The following PARN variants were observed in gnomAD, a reference collection of about 807,000 sequenced individuals.
PARN encodes poly(A)-specific ribonuclease.
Under a neutral mutation model 102.8 loss-of-function variants are expected in PARN, and 71 were observed. That is an observed-to-expected ratio of 0.69 (90% CI 0.57 to 0.84). The LOEUF is 0.84. Ranked by LOEUF, PARN falls within the 40% of genes least tolerant of loss-of-function variation. The pLI, the probability that PARN is intolerant of heterozygous loss-of-function variation, is 0.00. For missense variants in PARN, 782 were observed against 760.9 expected (o/e 1.03, Z -0.33); for synonymous variants, 261 against 252.9 (o/e 1.03, Z -0.30).
At chr16:14,559,171 A>C (rs1967892543) in intron 18 of PARN, among the ~76,000 whole-genome samples, 1 of 151,980 alleles carries the variant, frequency 6.6e-6, no homozygotes, top group African/African-American at 2.4e-5. Context: ...AGGAAGGATT[A>C]TACTAACAAA....
chr16:14,451,888 A>C (rs1961475624), intron 22 of PARN, among the ~76,000 whole-genome samples: 1 of 138,886 alleles, frequency 7.2e-6, no homozygotes, highest in African/African-American at 2.6e-5. Flanking sequence ...AAAAAAAAAA[A>C]AAAATACAAA....
At chr16:14,580,587 C>A (rs542696766) in intron 18 of PARN, among the ~76,000 whole-genome samples, 1 of 151,938 alleles carries the variant, frequency 6.6e-6, no homozygotes, top group Non-Finnish European at 1.5e-5. Flanking sequence ...ACACCCGGCC[C>A]CTCATAGGAA....
intron 22 of PARN, among the ~76,000 whole-genome samples, chr16:14,460,932 T>C (rs1961929247): frequency 1.3e-5 from 2 of 152,192 alleles, no homozygotes; most frequent in South Asian, 2.1e-4. Context: ...AGTAACTTCA[T>C]GTGGAGAGAT....
intron 5 of PARN, among the ~76,000 whole-genome samples, chr16:14,619,443 A>C (rs2151811697): frequency 6.6e-6 from 1 of 151,824 alleles, no homozygotes; most frequent in East Asian, 1.9e-4. Context: ...TTCAATTAAA[A>C]ATAATAATAA....
At chr16:14,477,211 A>T (rs1386189847) in intron 22 of PARN, among the ~76,000 whole-genome samples, 2 of 151,268 alleles carry the variant, frequency 1.3e-5, no homozygotes, top group African/African-American at 4.9e-5. Context: ...AGGTCAAGGC[A>T]GGTGGATCAT....
chr16:14,507,168 A>G (rs1453631605), intron 21 of PARN, among the ~76,000 whole-genome samples: 1 of 151,886 alleles, frequency 6.6e-6, no homozygotes, highest in African/African-American at 2.4e-5. Context: ...CTCTACTAAA[A>G]ATACAAAATT....
intron 13 of PARN, 84 bp from the exon 14 acceptor site, chr16:14,586,445 G>C: frequency 1.3e-6 from 1 of 789,044 alleles, no homozygotes; most frequent in Non-Finnish European, 2.1e-6. Flanking sequence ...AAGTTCCATA[G>C]CTGTCTTCTC....
rs1446194399 is a variant in PARN, at chr16:14,606,545, T to C, written c.660-19A>G. 2 of 1,452,334 alleles carry C rather than the reference T, an allele frequency of 1.4e-6. No individual in the cohort carries two copies. The highest frequency in any genetic ancestry group is 1.4e-5 in the African/African-American group (1 of 71,556). 90.0% of individuals were successfully genotyped at this position (1,452,334 alleles called of 1,614,324 possible). ...CGGATACCTAAAGAAAAGAAAAACA[T>C]AGTATCAGTAGATGAGTCAATGACA... is the stretch of plus-strand genomic sequence containing the variant. On this transcript the variant is annotated intron_variant, in intron 9 of 23. Transcript: ENST00000437198.
intron 18 of PARN, among the ~76,000 whole-genome samples, chr16:14,570,129 A>T (rs1383535832): frequency 6.6e-6 from 1 of 151,940 alleles, no homozygotes. Flanking sequence ...TCACGAGGTC[A>T]GGAGTTCAAG....
At chr16:14,532,905 G>T (rs1390878102) in intron 21 of PARN, among the ~76,000 whole-genome samples, 1 of 151,924 alleles carries the variant, frequency 6.6e-6, no homozygotes. Context: ...CGGGAGAGGG[G>T]CTCCTCACTT....
intron 18 of PARN, among the ~76,000 whole-genome samples, chr16:14,568,922 T>TA (rs1402228067): frequency 8.0e-5 from 12 of 150,880 alleles, no homozygotes; most frequent in Admixed American, 6.6e-4. Context: ...TTAAATTTTT[T>TA]AAAAAAAGTG....
intron 22 of PARN, among the ~76,000 whole-genome samples, chr16:14,472,590 T>C (rs1448814148): frequency 6.6e-6 from 1 of 152,218 alleles, no homozygotes; most frequent in Non-Finnish European, 1.5e-5. Flanking sequence ...GGAAAAGCTC[T>C]CGATTTGCTG....
At chr16:14,485,211 T>C (rs1963603468) in intron 21 of PARN, among the ~76,000 whole-genome samples, 1 of 152,240 alleles carries the variant, frequency 6.6e-6, no homozygotes, top group Admixed American at 6.5e-5. Context: ...TGAGTAAAGT[T>C]ACTCATATCA....
At chr16:14,613,727 A>G (rs984716096) in intron 6 of PARN, among the ~76,000 whole-genome samples, 1 of 152,242 alleles carries the variant, frequency 6.6e-6, no homozygotes, top group South Asian at 2.1e-4. Flanking sequence ...AGCAAGAACT[A>G]TCAATAGATG....
rs150415003 is a variant in PARN at position 14,562,171 on chromosome 16, T to C, written c.1263-6462A>G. 4.2e-3 allele frequency among the ~76,000 whole-genome samples: 634 copies of C among 150,408 alleles called. 4 individuals carry two copies. Among genetic ancestry groups the C allele is most frequent in the Non-Finnish European group, 7.0e-3 (472 of 67,610 alleles). On this transcript the variant is annotated intron_variant, in intron 18 of 23. Coordinates refer to ENST00000437198, the MANE Select transcript of PARN (RefSeq NM_002582.4). ...AAGAAAAGTACAAAACTTTGACACA[T>C]AAAATTTTAAAAAAGAAAAAAACTG...
intron 17 of PARN, among the ~76,000 whole-genome samples, chr16:14,581,895 C>T (rs970930691): frequency 3.3e-5 from 5 of 152,266 alleles, no homozygotes; most frequent in Non-Finnish European, 7.4e-5. Context: ...CAGAGTGAGA[C>T]CCTGACTCTT....
chr16:14,487,974 T>TA (rs1177209630), intron 21 of PARN, among the ~76,000 whole-genome samples: 1 of 152,120 alleles, frequency 6.6e-6, no homozygotes, highest in Non-Finnish European at 1.5e-5. Context: ...GGGACATTTC[T>TA]AAAAAAGAAT....
At chr16:14,608,772 G>A (rs1042776984) in intron 8 of PARN, among the ~76,000 whole-genome samples, 6 of 152,236 alleles carry the variant, frequency 3.9e-5, no homozygotes, top group East Asian at 3.9e-4. Flanking sequence ...CGTATTAAGC[G>A]CGCCTCAAGG....
chr16:14,594,901 C>A (rs1002791806), intron 12 of PARN, among the ~76,000 whole-genome samples: 1 of 152,284 alleles, frequency 6.6e-6, no homozygotes. Context: ...ACCTATGCTA[C>A]GCTAAAATAA....
Sources: allele counts gnomAD v4.1 joint callset (sites outside exome capture counted in the v4.1 genomes callset), GRCh38; gene constraint gnomAD v4.1.1; transcripts MANE v1.5; gene names NCBI Gene and HGNC (gene_info 2026-07-23, HGNC 2026-07-21).